BCAS3: variants seen among roughly 807,000 people sequenced by gnomAD.
BCAS3 encodes BCAS3 microtubule associated cell migration factor.
Under a neutral mutation model 116.1 loss-of-function variants are expected in BCAS3, and 53 were observed. The ratio of observed to expected loss-of-function variants is 0.46; its 90% confidence interval spans 0.37 to 0.57. BCAS3 has a LOEUF of 0.57. BCAS3 is among the 20% of genes least tolerant of loss of function. The pLI is 0.00. For synonymous variants in BCAS3, 391 were observed against 408.2 expected, an observed-to-expected ratio of 0.96 and a Z score of 0.51; for missense variants, 917 against 1,165.4, an observed-to-expected ratio of 0.79 and a Z score of 3.10.
In BCAS3 at chr17:61,037,986, A is replaced by T. The variant is rs745561885; in HGVS notation, c.1860A>T (p.Ala620=). 1 of 1,614,158 alleles carries T rather than the reference A, an allele frequency of 6.2e-7. No individual in the cohort carries two copies. Among genetic ancestry groups the T allele is most frequent in the Non-Finnish European group, 8.5e-7 (1 of 1,180,022 alleles). Residue 620 remains alanine (A), a synonymous_variant, in exon 18 of 24, where the codon GCA becomes GCT. Coordinates refer to ENST00000407086, the MANE Select transcript of BCAS3 (RefSeq NM_017679.5). This position sits in a 1 kb window ranked among gnomAD's most constrained non-coding sequence, Gnocchi z 4.7. ...HMMEPRPLST[A]PKISDDTPLE... ...TGGAGCCGCGACCCCTCAGCACTGCACCCAAGATTAGTGACGACACACCAC... is the reference window on the plus strand; with the variant it reads ...TGGAGCCGCGACCCCTCAGCACTGCTCCCAAGATTAGTGACGACACACCAC...
At chr17:60,857,090 A>G (rs1325095331) in intron 7 of BCAS3, among the ~76,000 whole-genome samples, 1 of 152,218 alleles carries the variant, frequency 6.6e-6, no homozygotes, top group African/African-American at 2.4e-5. Context: ...TCACTATAAA[A>G]CAAGTTACTT....
At chr17:61,116,269 TAAATA>T (rs936834011) in intron 22 of BCAS3, among the ~76,000 whole-genome samples, 2 of 151,128 alleles carry the variant, frequency 1.3e-5, no homozygotes, top group African/African-American at 4.9e-5. Context: ...AATAAATAAA[TAAATA>T]AAATAAAATA....
In BCAS3 at chr17:61,256,590, C is replaced by T. The variant is rs2048796851; in HGVS notation, c.2426-111737C>T. The stretch of plus-strand genomic sequence containing the variant: ...AAGTGCTGGGATTACAGGCGTGAGC[C>T]ACCGCGCCTGGCCGTTTGGTTTTGT... On this transcript the variant is annotated intron_variant, in intron 22 of 23. Coordinates refer to ENST00000407086, the MANE Select transcript of BCAS3 (RefSeq NM_017679.5). This position sits in a 1 kb window ranked among gnomAD's most constrained non-coding sequence, Gnocchi z 5.6. Among the ~76,000 whole-genome samples the T allele has an allele frequency of 6.6e-6, 1 of 152,230 alleles. No homozygotes were observed. The highest frequency in any genetic ancestry group is 2.4e-5 in the African/African-American group (1 of 41,462).
chr17:61,191,684 A>T (rs1423448574), intron 22 of BCAS3, among the ~76,000 whole-genome samples: 1 of 151,882 alleles, frequency 6.6e-6, no homozygotes, highest in African/African-American at 2.4e-5. Context: ...CTGAGGCAGG[A>T]GAATGGCGTG....
intron 22 of BCAS3, among the ~76,000 whole-genome samples, chr17:61,170,449 C>T (rs1311462121): frequency 3.3e-5 from 5 of 152,050 alleles, no homozygotes; most frequent in Non-Finnish European, 4.4e-5. Context: ...CCCACCACCA[C>T]GCCCGGCTAA....
Position 61,196,122 on chromosome 17 carries a change from C to T in BCAS3, c.2425+111558C>T, listed in dbSNP as rs2144255474. 6.6e-6 allele frequency among the ~76,000 whole-genome samples: 1 copy of T among 152,332 alleles called. No homozygotes were observed. The highest frequency in any genetic ancestry group is 3.4e-3 in the Middle Eastern group (1 of 294). ...AGACAACTTCTGAGGTTTATTCAAG[C>T]CTCATTTGTTGCTGCTCTAAATTCT... On this transcript the variant is annotated intron_variant, in intron 22 of 23. Transcript: ENST00000407086. The surrounding 1 kb of genome is among the most constrained non-coding windows in gnomAD (Gnocchi z 4.7).
chr17:60,757,724 G>C (rs867668071), intron 6 of BCAS3, among the ~76,000 whole-genome samples: 1 of 152,062 alleles, frequency 6.6e-6, no homozygotes, highest in South Asian at 2.1e-4. Context: ...TGTTCACTCT[G>C]TTAATTGTTT....
At chr17:61,114,820 C>T (rs1247220557) in intron 22 of BCAS3, among the ~76,000 whole-genome samples, 11 of 148,996 alleles carry the variant, frequency 7.4e-5, no homozygotes, top group East Asian at 6.0e-4. Flanking sequence ...GGAGGCATCA[C>T]ACTACCTGAC....
chr17:60,731,011 C>A (rs2040404742), intron 5 of BCAS3, among the ~76,000 whole-genome samples: 1 of 152,070 alleles, frequency 6.6e-6, no homozygotes, highest in Non-Finnish European at 1.5e-5. Context: ...TAAGATGATA[C>A]CTGCCATGCC....
At chr17:61,064,461 C>T (rs2070398252) in intron 19 of BCAS3, among the ~76,000 whole-genome samples, 1 of 152,028 alleles carries the variant, frequency 6.6e-6, no homozygotes, top group South Asian at 2.1e-4. Context: ...AATTGTGAGC[C>T]CAGCCAGACT....
At chr17:60,758,596 G>A (rs1598497407) in intron 6 of BCAS3, among the ~76,000 whole-genome samples, 1 of 152,184 alleles carries the variant, frequency 6.6e-6, no homozygotes, top group Non-Finnish European at 1.5e-5. Context: ...TGGCCAGGCT[G>A]GTCTCAAACT....
chr17:60,830,850 GTTT>G (rs200560565), intron 7 of BCAS3, among the ~76,000 whole-genome samples: 1 of 139,598 alleles, frequency 7.2e-6, no homozygotes. Flanking sequence ...TAATTTTTGG[GTTT>G]TTTTTTTTTT....
chr17:60,811,935 C>T (rs2048867201), intron 7 of BCAS3, among the ~76,000 whole-genome samples: 1 of 152,052 alleles, frequency 6.6e-6, no homozygotes, highest in Non-Finnish European at 1.5e-5. Flanking sequence ...CGCCTGTGGT[C>T]CCAGCTACTT....
In BCAS3 at chr17:60,764,792, G is replaced by A. The variant is rs934697068; in HGVS notation, c.403+17513G>A. On this transcript the variant is annotated intron_variant, in intron 6 of 23. Transcript: ENST00000407086. ...CATTGATCTGTCTAATATTGACAGC[G>A]GGGTGTTAAAGTCTCCCATTATTAT... 5.9e-5 allele frequency among the ~76,000 whole-genome samples: 9 copies of A among 152,100 alleles called. No homozygotes were observed. The South Asian group carries it at 6.2e-4, about 11-fold the overall frequency.
At chr17:60,774,189 T>G (rs540025837) in intron 6 of BCAS3, among the ~76,000 whole-genome samples, 2 of 152,296 alleles carry the variant, frequency 1.3e-5, no homozygotes, top group East Asian at 3.9e-4. Flanking sequence ...TAGTTTCTAT[T>G]GGTGCCTCTT....
At chr17:60,798,074 C>T (rs2047376860) in intron 6 of BCAS3, among the ~76,000 whole-genome samples, 1 of 152,112 alleles carries the variant, frequency 6.6e-6, no homozygotes, top group South Asian at 2.1e-4. Context: ...TTCTGTATAC[C>T]CCTGACCCTG....
chr17:61,370,878 T>TG (rs1387526519), intron 23 of BCAS3, among the ~76,000 whole-genome samples: 1 of 152,196 alleles, frequency 6.6e-6, no homozygotes, highest in African/African-American at 2.4e-5. Context: ...CGGAGGTAGT[T>TG]GGGGAAATAC....
chr17:61,207,259 C>T (rs912942763), intron 22 of BCAS3, among the ~76,000 whole-genome samples: 2 of 152,074 alleles, frequency 1.3e-5, no homozygotes, highest in African/African-American at 4.8e-5. Context: ...TGATTGACAT[C>T]GTTTTCTTGT....
intron 22 of BCAS3, among the ~76,000 whole-genome samples, chr17:61,330,820 T>G (rs776853402): frequency 6.6e-6 from 1 of 152,238 alleles, no homozygotes; most frequent in Non-Finnish European, 1.5e-5. Flanking sequence ...ACAAGTAACT[T>G]TCTTTCCCTG....
Sources: gnomAD v4.1 joint callset for allele counts (sites outside exome capture counted in the v4.1 genomes callset) on GRCh38, gnomAD v4.1.1 for gene constraint, Gnocchi (gnomAD v3.1) non-coding constraint, MANE v1.5 for transcripts, NCBI Gene and HGNC (gene_info 2026-07-23, HGNC 2026-07-21) for gene names.